ZNF415: variants seen among roughly 807,000 people sequenced by gnomAD.
The protein encoded by ZNF415 is zinc finger protein 415.
Under a neutral mutation model 7.3 loss-of-function variants are expected in ZNF415, and 5 were observed. That is an observed-to-expected ratio of 0.69 (90% CI 0.36 to 1.44). ZNF415 has a LOEUF of 1.44. Ranked by LOEUF, ZNF415 falls within the 40% of genes most tolerant of loss-of-function variation. ZNF415 has a pLI of 0.04. For missense variants in ZNF415, 628 were observed against 664.8 expected, an observed-to-expected ratio of 0.94 and a Z score of 0.61; for synonymous variants, 207 against 226.3, an observed-to-expected ratio of 0.91 and a Z score of 0.77.
intron 2 of ZNF415, among the ~76,000 whole-genome samples, chr19:53,121,332 C>T (rs2088004443): frequency 6.7e-6 from 1 of 149,916 alleles, no homozygotes; most frequent in Non-Finnish European, 1.5e-5. Context: ...TTGCAGTGAG[C>T]CAAGATCGAG....
chr19:53,112,858 G>A (rs942185078), intron 3 of ZNF415, among the ~76,000 whole-genome samples: 4 of 151,998 alleles, frequency 2.6e-5, no homozygotes, highest in African/African-American at 7.3e-5. Context: ...AGGCCGAGGC[G>A]GGTGGATCAC....
At chr19:53,120,653 G>A (rs552738690) in intron 2 of ZNF415, among the ~76,000 whole-genome samples, 1 of 152,228 alleles carries the variant, frequency 6.6e-6, no homozygotes, top group African/African-American at 2.4e-5. Context: ...ATAAGAATAT[G>A]GATATATCCT....
intron 1 of ZNF415, chr19:53,129,760 C>G (rs1601344172): frequency 1.8e-5 from 7 of 395,410 alleles, no homozygotes; most frequent in Admixed American, 4.4e-5. Context: ...TTTATCACAT[C>G]TCCCTTAGAA....
chr19:53,109,296 C>T lies in ZNF415; in HGVS notation c.749G>A (p.Gly250Asp). 6.2e-7 allele frequency: 1 copy of T among 1,614,164 alleles called. No individual in the cohort carries two copies. ...GEKGYKCDLC[G>D]KVFSQKSNLA... ...GTTTGATTTTTGACTAAAGACCTTGCCACACAGATCACATTTATATCCTTT... is the reference window on the plus strand; with the variant it reads ...GTTTGATTTTTGACTAAAGACCTTGTCACACAGATCACATTTATATCCTTT... Residue 250 changes from glycine to aspartate, a missense_variant, in exon 4 of 4, where the codon GGC becomes GAC. Coordinates refer to ENST00000243643, the MANE Select transcript of ZNF415 (RefSeq NM_018355.4).
chr19:53,110,910 A>G (rs894066852), intron 3 of ZNF415, among the ~76,000 whole-genome samples: 9 of 152,248 alleles, frequency 5.9e-5, no homozygotes, highest in African/African-American at 1.9e-4. Flanking sequence ...TTGCCCTTTC[A>G]TGACCTAGTT....
chr19:53,115,730 C>T, intron 3 of ZNF415: 2 of 1,550,510 alleles, frequency 1.3e-6, no homozygotes, highest in East Asian at 4.9e-5. Flanking sequence ...GATCCATTCC[C>T]ACCCTTTTGG....
chr19:53,116,165 C>A, intron 3 of ZNF415, 148 bp downstream of exon 3: 1 of 947,788 alleles, frequency 1.1e-6, no homozygotes, highest in Non-Finnish European at 1.6e-6. Context: ...TGGTTAAACT[C>A]CAGAGTTCAC....
chr19:53,109,105 A>T lies in ZNF415; in HGVS notation c.940T>A (p.Cys314Ser). Residue 314 changes from cysteine (C) to serine (S), a missense_variant, in exon 4 of 4, where the codon TGC becomes AGC. Physicochemically the swap from Cys to Ser is moderately radical, Grantham distance 112 (BLOSUM62 -1). Coordinates refer to ENST00000243643, the MANE Select transcript of ZNF415 (RefSeq NM_018355.4). ...TGAGTTTTCTGATGTAGTGCAAGGC[A>T]TGAATTTCGACTGAAGACCTTGTCA... is the stretch of plus-strand genomic sequence containing the variant. Reference protein sequence around the residue: ...ECDKVFSRNSCLALHQKTHIG... With the variant: ...ECDKVFSRNSSLALHQKTHIG... 2 of 1,613,948 alleles carry T rather than the reference A, an allele frequency of 1.2e-6. No homozygotes were observed. The highest frequency in any genetic ancestry group is 1.7e-6 in the Non-Finnish European group (2 of 1,180,002).
At chr19:53,117,334 G>A (rs1012201014) in intron 2 of ZNF415, among the ~76,000 whole-genome samples, 5 of 151,872 alleles carry the variant, frequency 3.3e-5, no homozygotes, top group Non-Finnish European at 5.9e-5. Flanking sequence ...CCAGCTACTC[G>A]GGAGGCTGAG....
At position 53,108,957 on chromosome 19, in the gene ZNF415, T is replaced by C. The variant is rs180798454; in HGVS notation, c.1088A>G (p.Lys363Arg). ...AAGGCTTGAAGTCTGACTGAACACC[T>C]TGCCACATTCATTGCATTTGTAAGG... is the stretch of plus-strand genomic sequence containing the variant. Reference protein sequence around the residue: ...KKPYKCNECGKVFSQTSSLAT... With the variant: ...KKPYKCNECGRVFSQTSSLAT... The change falls in exon 4 of 4, where the codon AAG becomes AGG. Residue 363 changes from lysine to arginine, a missense_variant. Coordinates refer to ENST00000243643, the MANE Select transcript of ZNF415 (RefSeq NM_018355.4). 5 of 1,614,164 alleles carry C rather than the reference T, an allele frequency of 3.1e-6. No individual in the cohort carries two copies. In the East Asian group the frequency reaches 1.1e-4, roughly 36 times the overall value.
Position 53,108,897 on chromosome 19 carries a change from G to A in ZNF415, c.1148C>T (p.Pro383Leu). 6.2e-7 allele frequency: 1 copy of A among 1,614,090 alleles called. No homozygotes were observed. The highest frequency in any genetic ancestry group is 8.5e-7 in the Non-Finnish European group (1 of 1,179,992). ...THQRIHTGEK[P>L]YKCNECGKVF... ...TTTACCACATTCATTACACTTGTAT[G>A]GTTTCTCCCCAGTGTGAATTCTCTG... Residue 383 changes from proline to leucine, a missense_variant, in exon 4 of 4, where the codon CCA (proline) becomes CTA (leucine). Coordinates refer to ENST00000243643, the MANE Select transcript of ZNF415 (RefSeq NM_018355.4).
chr19:53,125,049 A>AT (rs150595972), intron 1 of ZNF415, among the ~76,000 whole-genome samples: 85 of 150,196 alleles, frequency 5.7e-4, no homozygotes, highest in African/African-American at 8.9e-4. Flanking sequence ...TTTATGTCCA[A>AT]TTTTTTTTTT....
chr19:53,123,377 G>A (rs1233650702), intron 1 of ZNF415: 1 of 396,922 alleles, frequency 2.5e-6, no homozygotes, highest in East Asian at 3.6e-5. Context: ...TGCAGAGGAG[G>A]TAATATGGAC....
rs773988256 is a variant in ZNF415, at chr19:53,108,546, T to A, written c.1499A>T (p.Glu500Val). The A allele has an allele frequency of 6.2e-7, 1 of 1,614,144 alleles. No individual in the cohort carries two copies. The highest frequency in any genetic ancestry group is 1.1e-5 in the South Asian group (1 of 91,082). ...GCGCACACTAAAGGATTTGCCACAC[T>A]CATTACATTTGTAAGGTTTTTCTCC... Reference protein sequence around the residue: ...HTGEKPYKCNECGKSFSVRPN... With the variant: ...HTGEKPYKCNVCGKSFSVRPN... The change falls in exon 4 of 4, where the codon GAG becomes GTG. Residue 500 changes from glutamate (E) to valine (V), a missense_variant. By Grantham distance (121) the Glu-to-Val change is moderately radical (BLOSUM62 -2). Coordinates refer to ENST00000243643, the MANE Select transcript of ZNF415 (RefSeq NM_018355.4).
chr19:53,132,017 T>C (rs2090142106), intron 1 of ZNF415, among the ~76,000 whole-genome samples: 1 of 152,094 alleles, frequency 6.6e-6, no homozygotes, highest in African/African-American at 2.4e-5. Flanking sequence ...CCTCCTCCTT[T>C]GCTGCCCCTC....
chr19:53,113,973 AATTCTGCTG>A (rs1220466610), intron 3 of ZNF415, among the ~76,000 whole-genome samples: 1 of 152,234 alleles, frequency 6.6e-6, no homozygotes, highest in Non-Finnish European at 1.5e-5. Flanking sequence ...CCATGCTGAC[AATTCTGCTG>A]AACGCTTTAA....
chr19:53,108,894 T>G lies in ZNF415; in HGVS notation c.1151A>C (p.Tyr384Ser). The G allele has an allele frequency of 6.2e-7, 1 of 1,614,180 alleles. No homozygotes were observed. Among genetic ancestry groups the G allele is most frequent in the South Asian group, 1.1e-5 (1 of 91,070 alleles). ...GACTTTACCACATTCATTACACTTGTATGGTTTCTCCCCAGTGTGAATTCT... is the reference window on the plus strand; with the variant it reads ...GACTTTACCACATTCATTACACTTGGATGGTTTCTCCCCAGTGTGAATTCT... ...HQRIHTGEKPYKCNECGKVFS... is the reference protein window; with the variant it reads ...HQRIHTGEKPSKCNECGKVFS... Residue 384 changes from tyrosine to serine, a missense_variant, in exon 4 of 4, where the codon TAC (tyrosine) becomes TCC (serine). Coordinates refer to ENST00000243643, the MANE Select transcript of ZNF415 (RefSeq NM_018355.4).
chr19:53,119,943 C>T (rs2087712493), intron 2 of ZNF415, among the ~76,000 whole-genome samples: 1 of 151,996 alleles, frequency 6.6e-6, no homozygotes, highest in South Asian at 2.1e-4. Context: ...AATGGCTTCA[C>T]TGCCGAATTC....
intron 1 of ZNF415, chr19:53,123,750 TAATTA>T: frequency 2.5e-6 from 1 of 395,780 alleles, no homozygotes; most frequent in Non-Finnish European, 4.4e-6. Context: ...TCACCCATTT[TAATTA>T]AATATATAAT....
Sources: allele counts gnomAD v4.1 joint callset (sites outside exome capture counted in the v4.1 genomes callset), GRCh38; gene constraint gnomAD v4.1.1; transcripts MANE v1.5; gene names NCBI Gene and HGNC (gene_info 2026-07-23, HGNC 2026-07-21).